CSMD3: variants seen among roughly 807,000 people sequenced by gnomAD.
The protein encoded by CSMD3 is CUB and Sushi multiple domains 3.
CSMD3 carries 177 observed loss-of-function variants against 435.2 expected under a neutral mutation model. The ratio of observed to expected loss-of-function variants is 0.41; its 90% CI spans 0.36 to 0.46. CSMD3 has a LOEUF of 0.46. CSMD3 is among the 20% of genes least tolerant of loss of function. The pLI, the probability that CSMD3 is intolerant of heterozygous loss-of-function variation, is 0.34. For synonymous variants in CSMD3, 1,656 were observed against 1,520.5 expected (o/e 1.09, Z -2.07); for missense variants, 4,265 against 4,504.6 (o/e 0.95, Z 1.52).
intron 15 of CSMD3, among the ~76,000 whole-genome samples, chr8:112,682,887 C>A (rs1366813496): frequency 2.6e-5 from 4 of 151,956 alleles, no homozygotes; most frequent in Non-Finnish European, 4.4e-5. Flanking sequence ...AATTTCAAAA[C>A]AGAATTATTT....
intron 3 of CSMD3, among the ~76,000 whole-genome samples, chr8:113,277,002 C>T (rs1462444107): frequency 6.6e-6 from 1 of 151,826 alleles, no homozygotes; most frequent in Non-Finnish European, 1.5e-5. Flanking sequence ...GACAGCCAAA[C>T]CAAAAAACAT....
At chr8:112,534,207 A>G (rs1053302838) in intron 27 of CSMD3, among the ~76,000 whole-genome samples, 2 of 152,156 alleles carry the variant, frequency 1.3e-5, no homozygotes, top group Non-Finnish European at 2.9e-5. Context: ...GACACAAAAA[A>G]GTCTTCAAAA....
rs1200157495 is a variant in CSMD3, at chr8:112,392,314, CAA to C, written c.5810-1528_5810-1527del. Among the ~76,000 whole-genome samples, 813 of 83,964 alleles carry C rather than the reference CAA, an allele frequency of 9.7e-3. 5 individuals are homozygous for C. The highest frequency in any genetic ancestry group is 0.038 in the African/African-American group (768 of 20,300). The allele number at this position is 83,964 out of a possible 152,430, so 55.1% of individuals were successfully genotyped here. ...AAACGCAAAAACCAGGGCAATTACT[CAA>C]AAAAAAAAAAAAAAAAAAAGATGTT... On this transcript the variant is annotated intron_variant, in intron 35 of 70. Coordinates refer to ENST00000297405, the MANE Select transcript of CSMD3 (RefSeq NM_198123.2).
rs2084653852 is a variant in CSMD3 at position 112,971,447 on chromosome 8, T to C, written c.1342+4390A>G. Among the ~76,000 whole-genome samples, 3 of 152,178 alleles carry C rather than the reference T, an allele frequency of 2.0e-5. No homozygotes were observed. The South Asian group carries it at 6.2e-4, about 31-fold the overall frequency. ...AAAACTCAAAGTTGATAGTAAGCAA[T>C]TCTTTTTTATCTTTCCATTGGGAGA... is the stretch of plus-strand genomic sequence containing the variant. On this transcript the variant is annotated intron_variant, in intron 7 of 70. Transcript: ENST00000297405.
chr8:113,005,214 G>A (rs2086012689), intron 6 of CSMD3, among the ~76,000 whole-genome samples: 1 of 151,844 alleles, frequency 6.6e-6, no homozygotes, highest in South Asian at 2.1e-4. Flanking sequence ...CGTTTTCTCA[G>A]TCATGGTTTT....
chr8:113,126,390 T>C (rs2091128816), intron 4 of CSMD3, among the ~76,000 whole-genome samples: 2 of 151,928 alleles, frequency 1.3e-5, no homozygotes, highest in African/African-American at 4.8e-5. Flanking sequence ...CATACATATA[T>C]CAAAAAATAT....
chr8:113,222,489 G>T (rs1223759530), intron 3 of CSMD3, among the ~76,000 whole-genome samples: 1 of 150,834 alleles, frequency 6.6e-6, no homozygotes, highest in African/African-American at 2.4e-5. Flanking sequence ...TAAATATAAA[G>T]AATAAGATTT....
intron 22 of CSMD3, among the ~76,000 whole-genome samples, chr8:112,625,309 A>C (rs1834387826): frequency 1.3e-5 from 2 of 152,122 alleles, no homozygotes; most frequent in Non-Finnish European, 2.9e-5. Flanking sequence ...AAGTCATCTC[A>C]AACATCATGA....
At chr8:113,270,457 C>T (rs889246146) in intron 3 of CSMD3, among the ~76,000 whole-genome samples, 1 of 152,134 alleles carries the variant, frequency 6.6e-6, no homozygotes, top group Non-Finnish European at 1.5e-5. Flanking sequence ...CCATTTGACC[C>T]AGCCATCGCA....
At chr8:113,110,088 G>C (rs2090593619) in intron 4 of CSMD3, among the ~76,000 whole-genome samples, 1 of 152,106 alleles carries the variant, frequency 6.6e-6, no homozygotes, top group Admixed American at 6.5e-5. Context: ...GCAGCCCCAT[G>C]ATCTCCAAAT....
At chr8:113,176,465 C>G (rs75057134) in intron 3 of CSMD3, among the ~76,000 whole-genome samples, 12 of 152,034 alleles carry the variant, frequency 7.9e-5, no homozygotes. Context: ...AAGTACAAAA[C>G]CCACCATCAA....
chr8:112,981,236 C>T (rs993028387), intron 6 of CSMD3, among the ~76,000 whole-genome samples: 5 of 151,016 alleles, frequency 3.3e-5, no homozygotes, highest in Non-Finnish European at 5.9e-5. Flanking sequence ...TATGAAATGA[C>T]AATGCAAAAT....
At chr8:113,191,661 T>C (rs899285325) in intron 3 of CSMD3, among the ~76,000 whole-genome samples, 2 of 151,868 alleles carry the variant, frequency 1.3e-5, no homozygotes, top group Admixed American at 6.6e-5. Flanking sequence ...GGTCTGGTGT[T>C]GATGGGCACC....
intron 3 of CSMD3, among the ~76,000 whole-genome samples, chr8:113,203,967 C>T (rs1358601472): frequency 6.6e-6 from 1 of 152,112 alleles, no homozygotes; most frequent in African/African-American, 2.4e-5. Flanking sequence ...AACTTGTCAA[C>T]AAATATATAT....
chr8:112,959,773 T>G (rs1006381117), intron 7 of CSMD3, among the ~76,000 whole-genome samples: 1 of 151,938 alleles, frequency 6.6e-6, no homozygotes, highest in Non-Finnish European at 1.5e-5. Flanking sequence ...TATTTGATTT[T>G]GAGAAAGTGG....
chr8:112,866,204 A>G (rs932761542), intron 10 of CSMD3, among the ~76,000 whole-genome samples: 2 of 152,110 alleles, frequency 1.3e-5, no homozygotes, highest in African/African-American at 4.8e-5. Context: ...TGAAGTTTGT[A>G]GTTCTTGTAT....
chr8:112,963,928 A>AT (rs1310622069), intron 7 of CSMD3, among the ~76,000 whole-genome samples: 3 of 151,990 alleles, frequency 2.0e-5, no homozygotes, highest in East Asian at 3.9e-4. Context: ...AACTGTGCTA[A>AT]TTTTTTTAAA....
intron 19 of CSMD3, among the ~76,000 whole-genome samples, chr8:112,648,594 A>C (rs1377560066): frequency 6.6e-6 from 1 of 152,194 alleles, no homozygotes; most frequent in African/African-American, 2.4e-5. Flanking sequence ...ATAACGTGAA[A>C]TAACCTTAGT....
intron 5 of CSMD3, among the ~76,000 whole-genome samples, chr8:113,087,671 C>A (rs1351697296): frequency 2.6e-5 from 4 of 151,866 alleles, no homozygotes; most frequent in Non-Finnish European, 4.4e-5. Context: ...AAAGCTGAAA[C>A]TGGATCCCTT....
Sources: gnomAD v4.1 joint callset for allele counts (sites outside exome capture counted in the v4.1 genomes callset) on GRCh38, gnomAD v4.1.1 for gene constraint, MANE v1.5 for transcripts, NCBI Gene and HGNC (gene_info 2026-07-23, HGNC 2026-07-21) for gene names.